The following ZNF248 variants were observed in gnomAD, a reference collection of about 807,000 sequenced individuals.
ZNF248 encodes zinc finger protein 248.
A neutral mutation model predicts 44.3 loss-of-function variants in ZNF248; 20 were observed. The observed-to-expected ratio is 0.45, with a 90% CI of 0.32 to 0.66. ZNF248 has a LOEUF of 0.66. ZNF248 is among the 30% of genes least tolerant of loss of function. The pLI, the probability that ZNF248 is intolerant of heterozygous loss-of-function variation, is 0.04. For missense variants in ZNF248, 654 were observed against 677.0 expected, an observed-to-expected ratio of 0.97 and a Z score of 0.38; for synonymous variants, 224 against 229.0, an observed-to-expected ratio of 0.98 and a Z score of 0.20.
At chr10:37,842,422 C>A (rs1422245003) in intron 3 of ZNF248, among the ~76,000 whole-genome samples, 1 of 152,190 alleles carries the variant, frequency 6.6e-6, no homozygotes, top group Non-Finnish European at 1.5e-5. Context: ...AAGGCAACTT[C>A]AAAATGGTAG....
Position 37,829,143 on chromosome 10 carries a change from G to C in ZNF248, c.*2472C>G, listed in dbSNP as rs1326993215. The C allele has an allele frequency of 4.1e-6, 4 of 985,338 alleles. No individual in the cohort carries two copies. The highest frequency in any genetic ancestry group is 6.1e-5 in the Admixed American group (1 of 16,264). 61.0% of individuals were successfully genotyped at this position (985,338 alleles called of 1,614,324 possible). On this transcript the variant is annotated 3_prime_UTR_variant, in exon 6 of 6. Transcript: ENST00000395867. ...TGTATCTGGTTGGTTTCTCCAAAGA[G>C]AGACACCAGCAATTTGGCACCACAG...
At chr10:37,762,211 C>T in the ZNF248 span, among the ~76,000 whole-genome samples, 5 of 152,174 alleles carry the variant, frequency 3.3e-5, no homozygotes, top group Non-Finnish European at 5.9e-5. Context: ...CAAAAACCTA[C>T]AAAAGCTCCT....
At chr10:37,766,563 T>A in the ZNF248 span, among the ~76,000 whole-genome samples, 1 of 152,010 alleles carries the variant, frequency 6.6e-6, no homozygotes, top group Admixed American at 6.5e-5. Flanking sequence ...CACCTAAGGG[T>A]CCTGTCTGTT....
chr10:37,851,553 T>C (rs2060222671), intron 3 of ZNF248, among the ~76,000 whole-genome samples: 1 of 152,054 alleles, frequency 6.6e-6, no homozygotes, highest in Admixed American at 6.6e-5. Context: ...CCCATGTATA[T>C]ATGAAACATA....
the ZNF248 span, among the ~76,000 whole-genome samples, chr10:37,766,071 C>T: frequency 6.6e-6 from 1 of 152,276 alleles, no homozygotes; most frequent in Non-Finnish European, 1.5e-5. Context: ...GGGGCGCCTG[C>T]AATTGCCCAG....
chr10:37,811,513 T>C (rs1457168401), intron 6 of ZNF248, among the ~76,000 whole-genome samples: 1 of 151,646 alleles, frequency 6.6e-6, no homozygotes, highest in Admixed American at 6.6e-5. Flanking sequence ...AAAGAACGGC[T>C]TGATAGTTTT....
chr10:37,820,787 CT>C, intron 6 of ZNF248: 1 of 1,166,648 alleles, frequency 8.6e-7, no homozygotes, highest in Non-Finnish European at 1.3e-6. Context: ...CTGATGTACT[CT>C]CCTTCATTTT....
intron 3 of ZNF248, among the ~76,000 whole-genome samples, chr10:37,840,255 G>A (rs970297919): frequency 6.6e-6 from 1 of 152,120 alleles, no homozygotes; most frequent in Non-Finnish European, 1.5e-5. Context: ...ACCACAGACT[G>A]AGAAAAAATA....
At position 37,838,209 on chromosome 10, in the gene ZNF248, C is replaced by T. The variant is rs1589739826; in HGVS notation, c.16-98G>A. The T allele has an allele frequency of 5.3e-6, 6 of 1,125,088 alleles. No homozygotes were observed. The East Asian group carries it at 1.5e-4, about 28-fold the overall frequency. The allele number at this position is 1,125,088 out of a possible 1,614,324, so 69.7% of individuals were successfully genotyped here. A position where few individuals can be genotyped will look rare whatever the true frequency, so the allele number is the denominator to read the frequency against. On this transcript the variant is annotated intron_variant, in intron 3 of 5. Coordinates refer to ENST00000395867, the MANE Select transcript of ZNF248 (RefSeq NM_021045.3). ...CTCTTTAGAGTTTACTAAAAAATGA[C>T]AGGTTACCTCCCTCTGTGCTGCTAT...
At chr10:37,849,076 T>TCATTC (rs1438809497) in intron 3 of ZNF248, among the ~76,000 whole-genome samples, 1 of 152,162 alleles carries the variant, frequency 6.6e-6, no homozygotes, top group African/African-American at 2.4e-5. Flanking sequence ...TTAAAACTAT[T>TCATTC]CATTCCATAA....
chr10:37,812,053 T>C (rs996285134), intron 6 of ZNF248, among the ~76,000 whole-genome samples: 2 of 151,800 alleles, frequency 1.3e-5, no homozygotes, highest in Middle Eastern at 3.2e-3. Context: ...CTGGGCAACA[T>C]GGCAAAACTC....
intron 6 of ZNF248, among the ~76,000 whole-genome samples, chr10:37,800,804 C>T (rs750507752): frequency 4.6e-5 from 7 of 151,796 alleles, no homozygotes; most frequent in Admixed American, 2.0e-4. Flanking sequence ...CTCTGTCACC[C>T]AAGGTGGAGT....
At chr10:37,818,932 A>G in intron 6 of ZNF248, 1 of 1,109,586 alleles carries the variant, frequency 9.0e-7, no homozygotes, top group Non-Finnish European at 1.4e-6. Context: ...CACCGACCAC[A>G]CAACAATTTT....
At position 37,787,035 on chromosome 10, in the gene ZNF248, T is replaced by C. The variant is rs565100513; in HGVS notation, c.331-10460A>G. Among the ~76,000 whole-genome samples the C allele has an allele frequency of 9.6e-4, 146 of 152,250 alleles. 1 individual carries two copies. Among genetic ancestry groups the C allele is most frequent in the East Asian group, 8.1e-3 (42 of 5,176 alleles). ...TGGCTCATGCCTTTAATCCCAGCAC[T>C]TTGGGAGGCTGAGCCAGGCAGATCA... On this transcript the variant is annotated intron_variant, in intron 6 of 6. Coordinates refer to the ZNF248 transcript ENST00000615949.
intron 6 of ZNF248, chr10:37,795,330 G>A (rs943985876): frequency 6.6e-6 from 1 of 152,160 alleles, no homozygotes; most frequent in African/African-American, 2.4e-5. Context: ...GCTCTCCCCT[G>A]TATGTGCTGT....
At chr10:37,767,888 G>A in the ZNF248 span, among the ~76,000 whole-genome samples, 3 of 152,070 alleles carry the variant, frequency 2.0e-5, no homozygotes, top group Non-Finnish European at 2.9e-5. Context: ...CCCATCTCAC[G>A]TGCAGAGACA....
intron 6 of ZNF248, among the ~76,000 whole-genome samples, chr10:37,790,911 C>A (rs1406780791): frequency 1.4e-4 from 20 of 141,608 alleles, no homozygotes; most frequent in African/African-American, 4.7e-4. Context: ...GAGACTGAGA[C>A]CCCATTATCT....
At chr10:37,775,396 T>C (rs1020017045), downstream of ZNF248, 1 of 152,150 alleles carries the variant, frequency 6.6e-6, no homozygotes, top group African/African-American at 2.4e-5. Context: ...GGAAGCTGAA[T>C]GTACAGTTAC....
At chr10:37,789,657 T>G (rs545714825) in intron 6 of ZNF248, among the ~76,000 whole-genome samples, 38 of 152,304 alleles carry the variant, frequency 2.5e-4, no homozygotes, top group Middle Eastern at 3.4e-3. Flanking sequence ...ATTCAGCCTC[T>G]CTCTGGTACC....
Sources: allele counts gnomAD v4.1 joint callset (sites outside exome capture counted in the v4.1 genomes callset), GRCh38; gene constraint gnomAD v4.1.1; transcripts MANE v1.5; gene names NCBI Gene and HGNC (gene_info 2026-07-23, HGNC 2026-07-21).